Variants in ANXA4 observed in about 807,000 individuals in gnomAD.
The protein encoded by ANXA4 is annexin A4.
ANXA4 carries 39 observed loss-of-function variants against 49.8 expected under a neutral mutation model. That is an observed-to-expected ratio of 0.78 (90% CI 0.61 to 1.02). ANXA4 has a LOEUF of 1.02. ANXA4 is among the 50% of genes least tolerant of loss of function. ANXA4 has a pLI of 0.00. For missense variants in ANXA4, 360 were observed against 410.1 expected (o/e 0.88, Z 1.05); for synonymous variants, 134 against 152.5 (o/e 0.88, Z 0.89).
intron 12 of ANXA4, among the ~76,000 whole-genome samples, chr2:69,821,785 A>G (rs1172956321): frequency 6.6e-6 from 1 of 152,222 alleles, no homozygotes; most frequent in Non-Finnish European, 1.5e-5. Flanking sequence ...TCTACAAGGC[A>G]TGCAGGAACT....
At chr2:69,670,653 G>A (rs1470500441) in intron 2 of ANXA4, among the ~76,000 whole-genome samples, 2 of 152,098 alleles carry the variant, frequency 1.3e-5, no homozygotes, top group African/African-American at 2.4e-5. Flanking sequence ...TATACATGGG[G>A]AAGAGTAAAT....
chr2:69,678,389 C>CCT (rs1677482184), intron 2 of ANXA4, among the ~76,000 whole-genome samples: 1 of 78,366 alleles, frequency 1.3e-5, no homozygotes, highest in Non-Finnish European at 2.5e-5. Flanking sequence ...CTTTTCTTTT[C>CCT]TTTTTTTTTT....
chr2:69,750,569 C>A (rs1670798679), intron 1 of ANXA4, among the ~76,000 whole-genome samples: 1 of 152,176 alleles, frequency 6.6e-6, no homozygotes, highest in African/African-American at 2.4e-5. Context: ...CGCGCTGCCA[C>A]ACCCAGCTAA....
At chr2:69,796,024 G>A (rs1450436034) in intron 3 of ANXA4, among the ~76,000 whole-genome samples, 2 of 152,116 alleles carry the variant, frequency 1.3e-5, no homozygotes. Flanking sequence ...AGAATCACCC[G>A]GGGCTCCTGA....
Position 69,723,139 on chromosome 2 carries a change from C to T in ANXA4, n.864+2268C>T, listed in dbSNP as rs1203031815. Among the ~76,000 whole-genome samples the T allele has an allele frequency of 4.8e-5, 7 of 146,850 alleles. No individual in the cohort carries two copies. In the Admixed American group the frequency reaches 4.8e-4, roughly 10 times the overall value. ...CTGGGAGGTGGAGGTTGCAGTGAGC[C>T]GAGATCATGCCACTGTACTCCAGCC... On this transcript the variant is annotated intron_variant and non_coding_transcript_variant, in intron 3 of 3. Coordinates refer to the ANXA4 transcript ENST00000418066.
intron 1 of ANXA4, among the ~76,000 whole-genome samples, chr2:69,745,673 G>A (rs1670581860): frequency 6.6e-6 from 1 of 151,824 alleles, no homozygotes; most frequent in Non-Finnish European, 1.5e-5. Flanking sequence ...TGGGTCTACA[G>A]GTGCATGCTA....
chr2:69,825,383 T>G, intron 12 of ANXA4, 73 bp from the exon 13 acceptor site: 1 of 1,255,080 alleles, frequency 8.0e-7, no homozygotes, highest in Non-Finnish European at 1.1e-6. Context: ...TTGAAAAAGT[T>G]GGCTTAGATG....
At chr2:69,682,704 C>T (rs1364859755) in intron 2 of ANXA4, among the ~76,000 whole-genome samples, 3 of 152,122 alleles carry the variant, frequency 2.0e-5, no homozygotes, top group Non-Finnish European at 2.9e-5. Flanking sequence ...TTAGAAGTCA[C>T]ATTACATCCC....
chr2:69,800,220 ATCT>A (rs1243996403), intron 3 of ANXA4, among the ~76,000 whole-genome samples: 4 of 152,210 alleles, frequency 2.6e-5, no homozygotes, highest in African/African-American at 9.6e-5. Flanking sequence ...GAATCTATGT[ATCT>A]TCTTCTTTTC....
Position 69,723,348 on chromosome 2 carries a change from T to C in ANXA4, n.864+2477T>C, listed in dbSNP as rs567596916. Among the ~76,000 whole-genome samples, 32 of 152,108 alleles carry C rather than the reference T, an allele frequency of 2.1e-4. 1 individual carries two copies. The highest frequency in any genetic ancestry group is 3.4e-3 in the Middle Eastern group (1 of 294). Reference sequence around the variant, plus strand: ...GATGTGCTAAAAGATGCCTCCAAAGTGATATGAAGAAACTCCTGAACTCCA... The same window carrying C: ...GATGTGCTAAAAGATGCCTCCAAAGCGATATGAAGAAACTCCTGAACTCCA... On this transcript the variant is annotated intron_variant and non_coding_transcript_variant, in intron 3 of 3. Transcript: ENST00000418066.
intron 2 of ANXA4, among the ~76,000 whole-genome samples, chr2:69,714,111 CT>C (rs1282353626): frequency 6.6e-6 from 1 of 152,214 alleles, no homozygotes; most frequent in Non-Finnish European, 1.5e-5. Flanking sequence ...ACATCTGAGC[CT>C]GGATTTTGAG....
chr2:69,771,285 C>T (rs1288150704), intron 1 of ANXA4, among the ~76,000 whole-genome samples: 1 of 152,012 alleles, frequency 6.6e-6, no homozygotes, highest in Non-Finnish European at 1.5e-5. Flanking sequence ...AAATATCTGA[C>T]CCCCGACCAC....
upstream of ANXA4, among the ~76,000 whole-genome samples, chr2:69,738,631 G>A (rs554979524): frequency 1.9e-4 from 29 of 152,250 alleles, no homozygotes; most frequent in African/African-American, 4.1e-4. Context: ...GCTTCCAAGC[G>A]TGCATAAGAA....
Position 69,788,109 on chromosome 2 carries a change from C to T in ANXA4, c.65C>T (p.Ala22Val), listed in dbSNP as rs778109700. 55 of 1,613,862 alleles carry T rather than the reference C, an allele frequency of 3.4e-5. No homozygotes were observed. Among genetic ancestry groups the T allele is most frequent in the Non-Finnish European group, 4.6e-5 (54 of 1,179,886 alleles). ...AASGFNAMED[A>V]QTLRKAMKGL... ...TCAGGATTCAATGCCATGGAAGATG[C>T]CCAGACCCTGAGGAAGGCCATGAAA... The change falls in exon 3 of 13, where the codon GCC becomes GTC. Residue 22 changes from alanine to valine, a missense_variant. Coordinates refer to ENST00000394295, the MANE Select transcript of ANXA4 (RefSeq NM_001153.5).
chr2:69,737,506 C>G (rs1036958077), upstream of ANXA4, among the ~76,000 whole-genome samples: 2 of 152,116 alleles, frequency 1.3e-5, no homozygotes. Flanking sequence ...ACTTTATCTT[C>G]TTAACATTCT....
chr2:69,812,776 G>T (rs554426923), intron 8 of ANXA4, 67 bp downstream of exon 8: 25 of 1,373,438 alleles, frequency 1.8e-5, no homozygotes, highest in Non-Finnish European at 3.1e-6. Flanking sequence ...GGCCTTAGTG[G>T]GTGGATAGCA....
chr2:69,706,205 A>G (rs1678490617), intron 2 of ANXA4, among the ~76,000 whole-genome samples: 1 of 147,874 alleles, frequency 6.8e-6, no homozygotes, highest in African/African-American at 2.5e-5. Flanking sequence ...TGAATGTTCA[A>G]TTTTGCTAAA....
intron 2 of ANXA4, among the ~76,000 whole-genome samples, chr2:69,708,632 C>T (rs1056401709): frequency 5.3e-5 from 8 of 152,124 alleles, no homozygotes; most frequent in African/African-American, 1.9e-4. Context: ...GCTCATCCTG[C>T]AGGACCAGCA....
chr2:69,723,576 C>T (rs965741839), intron 3 of ANXA4, among the ~76,000 whole-genome samples: 1 of 152,198 alleles, frequency 6.6e-6, no homozygotes, highest in Non-Finnish European at 1.5e-5. Flanking sequence ...TAAACATTTT[C>T]CTTTAGTTCT....
Sources: allele counts gnomAD v4.1 joint callset (sites outside exome capture counted in the v4.1 genomes callset), GRCh38; gene constraint gnomAD v4.1.1; transcripts MANE v1.5; gene names NCBI Gene and HGNC (gene_info 2026-07-23, HGNC 2026-07-21).